The following COL20A1 variants were observed in gnomAD, a reference collection of about 807,000 sequenced individuals.
COL20A1 encodes collagen alpha-1(XX) chain.
In COL20A1, 164 loss-of-function variants were observed where a neutral mutation model predicts 152.9. The ratio of observed to expected loss-of-function variants is 1.07; its 90% CI spans 0.94 to 1.22. The LOEUF (loss-of-function observed/expected upper bound fraction) is 1.22, where lower values mean the gene tolerates loss of function less well. COL20A1 is among the 50% of genes most tolerant of loss of function. The pLI, the probability that COL20A1 is intolerant of heterozygous loss-of-function variation, is 0.00. For synonymous variants in COL20A1, 864 were observed against 756.0 expected (o/e 1.14, Z -2.34); for missense variants, 1,873 against 1,744.8 (o/e 1.07, Z -1.31).
chr20:63,298,629 C>T (rs1568763030), intron 3 of COL20A1, among the ~76,000 whole-genome samples: 2 of 152,134 alleles, frequency 1.3e-5, no homozygotes, highest in Non-Finnish European at 2.9e-5. Context: ...GAACGAGTCT[C>T]AATGCGTCAG....
chr20:63,328,264 G>T, intron 33 of COL20A1, 67 bp from the exon 34 acceptor site: 1 of 1,561,926 alleles, frequency 6.4e-7, no homozygotes, highest in Non-Finnish European at 8.7e-7. Flanking sequence ...GTGTCCTGGC[G>T]TGGCCTGCAC....
intron 2 of COL20A1, among the ~76,000 whole-genome samples, chr20:63,296,708 G>A (rs2067798238): frequency 6.6e-6 from 1 of 152,192 alleles, no homozygotes; most frequent in Non-Finnish European, 1.5e-5. Context: ...GCTGCGGGAG[G>A]GGCCCTGCTC....
Position 63,305,799 on chromosome 20 carries a change from C to G in COL20A1, c.338-82C>G. 7.0e-7 allele frequency: 1 copy of G among 1,422,268 alleles called. No individual in the cohort carries two copies. The highest frequency in any genetic ancestry group is 1.8e-5 in the Admixed American group (1 of 56,558). 88.1% of individuals were successfully genotyped at this position (1,422,268 alleles called of 1,614,324 possible). A position where few individuals can be genotyped will look rare whatever the true frequency, so the allele number is the denominator to read the frequency against. ...GGGCCCTCAGCACCCACAGATGCGC[C>G]CTTGAAGGGGTGTATGTGCAGCTGC... On this transcript the variant is annotated intron_variant, in intron 4 of 35. Transcript: ENST00000358894. This position sits in a 1 kb window ranked among gnomAD's most constrained non-coding sequence, Gnocchi z 4.9.
chr20:63,310,458 C>T lies in COL20A1; in HGVS notation c.1341C>T (p.Phe447=), dbSNP rs1338557169. The T allele has an allele frequency of 1.2e-6, 2 of 1,609,234 alleles. No homozygotes were observed. The highest frequency in any genetic ancestry group is 1.7e-6 in the Non-Finnish European group (2 of 1,178,486). The change falls in exon 11 of 36, where the codon TTC becomes TTT. Residue 447 remains phenylalanine, a synonymous_variant. Coordinates refer to ENST00000358894, the MANE Select transcript of COL20A1 (RefSeq NM_020882.4). ...ASRTEYLVSV[F]PIYEGGVGEG... ...GCACAGAGTACCTGGTCTCCGTGTT[C>T]CCCATCTATGAGGGCGGGGTTGGCG...
intron 3 of COL20A1, among the ~76,000 whole-genome samples, chr20:63,300,759 C>T (rs2067853965): frequency 1.3e-5 from 2 of 152,080 alleles, no homozygotes; most frequent in African/African-American, 4.8e-5. Context: ...ATTTTCTGCC[C>T]TTTTACAAGA....
chr20:63,308,563 TG>T lies in COL20A1; in HGVS notation c.801del (p.Gln268ArgfsTer17). ...TFTGLALTHV[L>X]GQNLQPAAGL... Reference sequence around the variant, plus strand: ...CAAGGCCTTGCCCTGACCCACGTGCTGGGGCAGAACCTGCAGCCGGCGGCTG... The same window carrying T: ...CAAGGCCTTGCCCTGACCCACGTGCTGGGCAGAACCTGCAGCCGGCGGCTG... On this transcript the variant is annotated frameshift_variant, in exon 8 of 36. Transcript: ENST00000358894. LOFTEE classifies it high-confidence loss of function. 6.2e-7 allele frequency: 1 copy of T among 1,604,538 alleles called. No homozygotes were observed.
At chr20:63,320,248 C>T in intron 24 of COL20A1, 43 bp from the exon 25 acceptor site, 1 of 1,604,906 alleles carries the variant, frequency 6.2e-7, no homozygotes, top group Non-Finnish European at 8.5e-7. Flanking sequence ...GGGCTGGCAG[C>T]CTCTCTGAGC....
chr20:63,323,812 C>T (rs2068204722), intron 27 of COL20A1, among the ~76,000 whole-genome samples: 1 of 152,228 alleles, frequency 6.6e-6, no homozygotes, highest in Non-Finnish European at 1.5e-5. Context: ...ATTATTCCCC[C>T]AGAATTTTCC....
rs2067972028 is a variant in COL20A1 at position 63,309,333 on chromosome 20, G to A, written c.941G>A (p.Gly314Asp). 4.0e-6 allele frequency: 6 copies of A among 1,485,284 alleles called. No homozygotes were observed. The highest frequency in any genetic ancestry group is 5.4e-6 in the Non-Finnish European group (6 of 1,111,004). The allele number at this position is 1,485,284 out of a possible 1,614,324, so 92.0% of individuals were successfully genotyped here. Residue 314 changes from glycine (G) to aspartate (D), a missense_variant and splice_region_variant, in exon 9 of 36, where the codon GGT (glycine) becomes GAT (aspartate). Physicochemically the swap from Gly to Asp is moderately conservative, Grantham distance 94 (BLOSUM62 -1). Coordinates refer to ENST00000358894, the MANE Select transcript of COL20A1 (RefSeq NM_020882.4). ...ACCCCACCTCCCTCCTCACGAGCAG[G>A]TGTGAAGAACGCCGATGAGGCTGAG... ...KDLGVNVFAV[G>D]VKNADEAELR...
intron 3 of COL20A1, among the ~76,000 whole-genome samples, chr20:63,304,905 T>A (rs1461004713): frequency 6.6e-6 from 1 of 152,244 alleles, no homozygotes; most frequent in Non-Finnish European, 1.5e-5. Flanking sequence ...TATGGCAGTG[T>A]CCCCTTTGGA....
intron 33 of COL20A1, 48 bp downstream of exon 33, chr20:63,328,175 G>A (rs981320889): frequency 7.5e-6 from 12 of 1,604,684 alleles, no homozygotes; most frequent in Admixed American, 3.4e-5. Flanking sequence ...CTGCACCTGT[G>A]CCTACCACAC....
intron 1 of COL20A1, among the ~76,000 whole-genome samples, chr20:63,294,839 C>T (rs962343327): frequency 1.3e-5 from 2 of 152,218 alleles, no homozygotes; most frequent in Non-Finnish European, 2.9e-5. Context: ...GAGCAGCCCC[C>T]GGTGGTGTAA....
chr20:63,328,291 G>C (rs770823415), intron 33 of COL20A1, 40 bp from the exon 34 acceptor site: 1 of 1,588,710 alleles, frequency 6.3e-7, no homozygotes, highest in South Asian at 1.1e-5. Context: ...CGCATCCCCG[G>C]GTCCCCACTG....
rs748556622 is a variant in COL20A1, at chr20:63,311,648, G to A, written c.1563G>A (p.Val521=). 15 of 1,609,884 alleles carry A rather than the reference G, an allele frequency of 9.3e-6. No individual in the cohort carries two copies. The highest frequency in any genetic ancestry group is 3.3e-5 in the Admixed American group (2 of 59,978). ...EREVQVGRPE[V]LLDGLEPGRD... Reference sequence around the variant, plus strand: ...AGGTGCAGGTCGGGCGGCCCGAGGTGCTGCTGGATGGCCTGGAACCTGGCA... The same window carrying A: ...AGGTGCAGGTCGGGCGGCCCGAGGTACTGCTGGATGGCCTGGAACCTGGCA... The change falls in exon 13 of 36, where the codon GTG becomes GTA. Residue 521 remains valine (V), a synonymous_variant. Coordinates refer to ENST00000358894, the MANE Select transcript of COL20A1 (RefSeq NM_020882.4). This position sits in a 1 kb window ranked among gnomAD's most constrained non-coding sequence, Gnocchi z 4.4.
chr20:63,305,651 G>A lies in COL20A1; in HGVS notation c.337+91G>A, dbSNP rs558348528. On this transcript the variant is annotated intron_variant, in intron 4 of 35. Transcript: ENST00000358894. This position sits in a 1 kb window ranked among gnomAD's most constrained non-coding sequence, Gnocchi z 4.9. ...GGGGTCCCACCCTCCTCCAGGCTGC[G>A]TTCCAGCCCCAGGGGTGGGTATGTG... 4.7e-5 allele frequency: 66 copies of A among 1,410,330 alleles called. No homozygotes were observed. In the Middle Eastern group the frequency reaches 1.7e-3, roughly 37 times the overall value. 87.4% of individuals were successfully genotyped at this position (1,410,330 alleles called of 1,614,324 possible). A position where few individuals can be genotyped will look rare whatever the true frequency, so the allele number is the denominator to read the frequency against.
chr20:63,311,416 G>A lies in COL20A1; in HGVS notation c.1416G>A (p.Ala472=), dbSNP rs771133641. The change falls in exon 12 of 36, where the codon GCG becomes GCA. Residue 472 remains alanine (A), a synonymous_variant. Coordinates refer to ENST00000358894, the MANE Select transcript of COL20A1 (RefSeq NM_020882.4). This position sits in a 1 kb window ranked among gnomAD's most constrained non-coding sequence, Gnocchi z 4.4. ...VTTAPLPPPR[A]LTLAAVTPRT... is the part of the protein sequence containing the mutation. ...CAGCACCTCTGCCTCCGCCCCGGGC[G>A]CTGACCCTGGCCGCAGTGACGCCCA... 1.1e-5 allele frequency: 17 copies of A among 1,579,468 alleles called. No homozygotes were observed. The highest frequency in any genetic ancestry group is 2.3e-5 in the South Asian group (2 of 86,516).
In COL20A1 at chr20:63,321,059, C is replaced by A; in HGVS notation, c.3200C>A (p.Ser1067Tyr). 1 of 1,602,422 alleles carries A rather than the reference C, an allele frequency of 6.2e-7. No homozygotes were observed. The highest frequency in any genetic ancestry group is 8.5e-7 in the Non-Finnish European group (1 of 1,175,190). The change falls in exon 26 of 36, where the codon TCC (serine) becomes TAC (tyrosine). Residue 1067 changes from serine (S) to tyrosine (Y), a missense_variant. Coordinates refer to ENST00000358894, the MANE Select transcript of COL20A1 (RefSeq NM_020882.4). Reference sequence around the variant, plus strand: ...GCCTTCGTGTCTGCCTGTTCCTGTTCCTCAGAGACCCCTGGGCCCCCAGGA... The same window carrying A: ...GCCTTCGTGTCTGCCTGTTCCTGTTACTCAGAGACCCCTGGGCCCCCAGGA... ...CPAFVSACSC[S>Y]SETPGPPGPQ...
intron 26 of COL20A1, 77 bp from the exon 27 acceptor site, chr20:63,321,981 G>A: frequency 8.1e-7 from 1 of 1,241,404 alleles, no homozygotes; most frequent in Non-Finnish European, 1.1e-6. Context: ...GCCAGGCATG[G>A]GGCTCAGGGG....
chr20:63,305,276 A>G lies in COL20A1; in HGVS notation c.194-141A>G. On this transcript the variant is annotated intron_variant, in intron 3 of 35. Transcript: ENST00000358894. This position sits in a 1 kb window ranked among gnomAD's most constrained non-coding sequence, Gnocchi z 4.9. The stretch of plus-strand genomic sequence containing the variant: ...CAGGAGCCCATGTCCCTTCCATCAG[A>G]CCCTCTCCCTTTCTGTCTCTCTGGC... The G allele has an allele frequency of 3.3e-6, 2 of 600,742 alleles. No homozygotes were observed. The highest frequency in any genetic ancestry group is 5.3e-6 in the Non-Finnish European group (2 of 376,018). 37.2% of individuals were successfully genotyped at this position (600,742 alleles called of 1,614,324 possible). A position where few individuals can be genotyped will look rare whatever the true frequency, so the allele number is the denominator to read the frequency against.
Sources: gnomAD v4.1 joint callset for allele counts (sites outside exome capture counted in the v4.1 genomes callset) on GRCh38, gnomAD v4.1.1 for gene constraint, Gnocchi (gnomAD v3.1) non-coding constraint, MANE v1.5 for transcripts, NCBI Gene and HGNC (gene_info 2026-07-23, HGNC 2026-07-21) for gene names.